Variants in HHAT observed in about 807,000 individuals in gnomAD.
The protein encoded by HHAT is protein-cysteine N-palmitoyltransferase HHAT.
HHAT carries 47 observed loss-of-function variants against 70.8 expected under a neutral mutation model. That is an observed-to-expected ratio of 0.66 (90% confidence interval 0.53 to 0.85). The LOEUF (loss-of-function observed/expected upper bound fraction) is 0.85, where lower values mean the gene tolerates loss of function less well. Ranked by LOEUF, HHAT falls within the 40% of genes least tolerant of loss-of-function variation. The probability of loss-of-function intolerance (pLI) is 0.00; values close to 1 mark genes in which losing one functional copy is unlikely to be tolerated. For missense variants in HHAT, 609 were observed against 604.8 expected (o/e 1.01, Z -0.07); for synonymous variants, 228 against 247.6 (o/e 0.92, Z 0.74).
chr1:210,451,751 A>G (rs576818711), intron 7 of HHAT, among the ~76,000 whole-genome samples: 2 of 152,222 alleles, frequency 1.3e-5, no homozygotes, highest in South Asian at 4.2e-4. Context: ...ACTAATTTTT[A>G]AATTTTTTAT....
chr1:210,517,977 A>G (rs1175990979), intron 9 of HHAT, among the ~76,000 whole-genome samples: 1 of 152,114 alleles, frequency 6.6e-6, no homozygotes, highest in Non-Finnish European at 1.5e-5. Flanking sequence ...AAATTGACAC[A>G]CTGTATTTAT....
chr1:210,346,871 G>C (rs887294238), intron 1 of HHAT, among the ~76,000 whole-genome samples: 3 of 152,198 alleles, frequency 2.0e-5, no homozygotes, highest in African/African-American at 7.2e-5. Context: ...ACTTGGCTTT[G>C]AGCCTTGGCT....
chr1:210,497,698 C>T (rs2094675590), intron 8 of HHAT, among the ~76,000 whole-genome samples: 2 of 151,916 alleles, frequency 1.3e-5, no homozygotes, highest in South Asian at 4.2e-4. Flanking sequence ...TTTCAGTGGG[C>T]TCGCAGGTCT....
chr1:210,345,114 G>T (rs1035457771), intron 1 of HHAT, among the ~76,000 whole-genome samples: 4 of 152,034 alleles, frequency 2.6e-5, no homozygotes, highest in Non-Finnish European at 5.9e-5. Flanking sequence ...AATTTGTTTT[G>T]CAAGTGGTGA....
chr1:210,529,639 A>T (rs2095292616), intron 9 of HHAT, among the ~76,000 whole-genome samples: 1 of 152,194 alleles, frequency 6.6e-6, no homozygotes. Flanking sequence ...CAAAGGGGTA[A>T]CTGGGATTCA....
At chr1:210,373,241 C>G (rs530851501) in intron 3 of HHAT, among the ~76,000 whole-genome samples, 1 of 151,668 alleles carries the variant, frequency 6.6e-6, no homozygotes, top group African/African-American at 2.4e-5. Flanking sequence ...GAAAGGGGGA[C>G]GGGATTATTC....
intron 11 of HHAT, among the ~76,000 whole-genome samples, chr1:210,645,315 T>G (rs1673800163): frequency 6.6e-6 from 1 of 152,214 alleles, no homozygotes; most frequent in Non-Finnish European, 1.5e-5. Context: ...TCTCTCTCTG[T>G]CGCCCAGGCT....
intron 9 of HHAT, among the ~76,000 whole-genome samples, chr1:210,554,626 A>G (rs760321711): frequency 4.6e-5 from 7 of 152,244 alleles, no homozygotes; most frequent in Admixed American, 3.9e-4. Context: ...TTTCAGCTTA[A>G]GCCCGTAAAA....
At chr1:210,386,527 C>T (rs544851929) in intron 3 of HHAT, among the ~76,000 whole-genome samples, 2 of 151,866 alleles carry the variant, frequency 1.3e-5, no homozygotes, top group Admixed American at 1.3e-4. Flanking sequence ...CGTGAGCCAC[C>T]GCGCCCGGCC....
rs1192686141 is a variant in HHAT at position 210,675,547 on chromosome 1, T to A, written c.*1168T>A. ...TAATATATCTAATTACAGGAGAATT[T>A]ACAACATCTCAAGTACGTAAATTAA... is the stretch of plus-strand genomic sequence containing the variant. On this transcript the variant is annotated 3_prime_UTR_variant, in exon 12 of 12. Transcript: ENST00000261458. 1 of 152,136 alleles carries A rather than the reference T, an allele frequency of 6.6e-6. No homozygotes were observed. The highest frequency in any genetic ancestry group is 1.5e-5 in the Non-Finnish European group (1 of 68,024). 9.4% of individuals were successfully genotyped at this position (152,136 alleles called of 1,614,324 possible).
intron 11 of HHAT, among the ~76,000 whole-genome samples, chr1:210,635,487 A>G (rs1309292653): frequency 6.6e-6 from 1 of 152,118 alleles, no homozygotes; most frequent in African/African-American, 2.4e-5. Context: ...TGTGAAGGGG[A>G]GCAGTACTAG....
intron 9 of HHAT, among the ~76,000 whole-genome samples, chr1:210,527,215 G>A (rs1268388183): frequency 6.6e-6 from 1 of 152,046 alleles, no homozygotes; most frequent in East Asian, 1.9e-4. Flanking sequence ...TGTCTAGGCT[G>A]GCTCAGCACC....
intron 8 of HHAT, among the ~76,000 whole-genome samples, chr1:210,474,360 G>T (rs985493032): frequency 6.6e-6 from 1 of 152,118 alleles, no homozygotes; most frequent in Non-Finnish European, 1.5e-5. Flanking sequence ...GCGCCATCAC[G>T]GCTCACTGCA....
At chr1:210,525,272 T>TGCCAG (rs1281311682) in intron 9 of HHAT, among the ~76,000 whole-genome samples, 3 of 152,138 alleles carry the variant, frequency 2.0e-5, no homozygotes, top group Admixed American at 2.0e-4. Flanking sequence ...TCTCTGGGGC[T>TGCCAG]GCCAGTGAAA....
rs575062795 is a variant in HHAT, at chr1:210,567,059, G to GC, written c.1044-20832dup. Among the ~76,000 whole-genome samples the GC allele has an allele frequency of 4.5e-4, 69 of 152,234 alleles. 2 individuals carry two copies. The East Asian group carries it at 7.5e-3, about 17-fold the overall frequency. On this transcript the variant is annotated intron_variant, in intron 9 of 11. Transcript: ENST00000261458. Reference sequence around the variant, plus strand: ...AGCTCCTGCACATCTCTGTCTCTGTGCCCCCCCTCCAATAAGGGGTTAGAG... The same window carrying GC: ...AGCTCCTGCACATCTCTGTCTCTGTGCCCCCCCCTCCAATAAGGGGTTAGAG...
At chr1:210,363,308 T>C (rs2088563879) in intron 3 of HHAT, among the ~76,000 whole-genome samples, 1 of 152,200 alleles carries the variant, frequency 6.6e-6, no homozygotes, top group African/African-American at 2.4e-5. Context: ...TGGCTGTCCA[T>C]GCTGCTGCAG....
At chr1:210,547,384 C>T (rs920657022) in intron 9 of HHAT, among the ~76,000 whole-genome samples, 2 of 151,596 alleles carry the variant, frequency 1.3e-5, no homozygotes, top group East Asian at 1.9e-4. Flanking sequence ...GGATAGAACT[C>T]GAGCAGAAAT....
chr1:210,622,639 A>G (rs751482891), intron 10 of HHAT, among the ~76,000 whole-genome samples: 1 of 152,182 alleles, frequency 6.6e-6, no homozygotes, highest in Non-Finnish European at 1.5e-5. Context: ...ACGCCGATAC[A>G]CTTCATCCTC....
intron 11 of HHAT, among the ~76,000 whole-genome samples, chr1:210,641,191 C>A (rs533392489): frequency 1.3e-5 from 2 of 152,238 alleles, no homozygotes; most frequent in South Asian, 2.1e-4. Context: ...TATAGTGGGG[C>A]AGGAAAATCT....
Sources: allele counts gnomAD v4.1 joint callset (sites outside exome capture counted in the v4.1 genomes callset), GRCh38; gene constraint gnomAD v4.1.1; transcripts MANE v1.5; gene names NCBI Gene and HGNC (gene_info 2026-07-23, HGNC 2026-07-21).